COL4A5: variants seen among roughly 807,000 people sequenced by gnomAD.
COL4A5 encodes collagen alpha-5(IV) chain.
Under a neutral mutation model 130.2 loss-of-function variants are expected in COL4A5, and 26 were observed. The observed-to-expected ratio is 0.20, with a 90% CI of 0.15 to 0.28. COL4A5 has a LOEUF of 0.28. Ranked by LOEUF, COL4A5 falls within the 10% of genes least tolerant of loss-of-function variation. The pLI is 1.00. For synonymous variants in COL4A5, 496 were observed against 439.6 expected, an observed-to-expected ratio of 1.13 and a Z score of -1.60; for missense variants, 1,131 against 1,344.3, an observed-to-expected ratio of 0.84 and a Z score of 2.48.
At chrX:108,446,528 A>C (rs2064453413) in intron 1 of COL4A5, among the ~76,000 whole-genome samples, 1 of 112,343 alleles carries the variant, frequency 8.9e-6, no homozygotes, top group African/African-American at 3.2e-5. Context: ...TAAAAAGGCT[A>C]TATCAACAGA....
chrX:108,511,972 A>G (rs1025190010), intron 1 of COL4A5, among the ~76,000 whole-genome samples: 3 of 111,342 alleles, frequency 2.7e-5, no homozygotes, highest in Non-Finnish European at 5.7e-5. Context: ...TCTAAAATTG[A>G]TTGTGGTAAT....
intron 24 of COL4A5, among the ~76,000 whole-genome samples, chrX:108,598,057 G>C (rs1271670329): frequency 9.0e-6 from 1 of 110,542 alleles, no homozygotes; most frequent in Non-Finnish European, 1.9e-5. Flanking sequence ...CGGGCATGGT[G>C]GTGGGCGCCT....
intron 49 of COL4A5, chrX:108,690,112 T>C: frequency 1.8e-6 from 1 of 544,782 alleles, no homozygotes; most frequent in Non-Finnish European, 2.2e-6. Flanking sequence ...TCATGTCCAT[T>C]GTCTAATTTA....
chrX:108,597,818 TGG>T (rs2066547992), intron 24 of COL4A5, among the ~76,000 whole-genome samples: 1 of 111,431 alleles, frequency 9.0e-6, no homozygotes, highest in Non-Finnish European at 1.9e-5. Flanking sequence ...TATGAATAGG[TGG>T]GCAGGAGGTT....
At chrX:108,665,454 T>C in intron 37 of COL4A5, 53 bp from the exon 38 acceptor site, 1 of 871,579 alleles carries the variant, frequency 1.1e-6, no homozygotes, top group South Asian at 2.1e-5. Context: ...GAATTGTAGC[T>C]CTTAAAGCAA....
At chrX:108,504,888 G>T (rs1302538742) in intron 1 of COL4A5, among the ~76,000 whole-genome samples, 3 of 111,592 alleles carry the variant, frequency 2.7e-5, no homozygotes, top group African/African-American at 9.8e-5. Context: ...CCCACTACTG[G>T]GTATCTGTCT....
At position 108,681,847 on chromosome X, in the gene COL4A5, T is replaced by C. The variant is rs754420396; in HGVS notation, c.4175T>C (p.Leu1392Pro). 5.0e-6 allele frequency: 6 copies of C among 1,210,491 alleles called. No homozygotes were observed. In the East Asian group the frequency reaches 1.8e-4, roughly 36 times the overall value. ...GPPGIPGQPG[L>P]KGLPGPQGPQ... ...CCAGGAATCCCTGGCCAGCCTGGGC[T>C]AAAGGGTCTACCAGGACCCCAAGGA... The change falls in exon 47 of 53, where the codon CTA becomes CCA. Residue 1392 changes from leucine (L) to proline (P), a missense_variant. Coordinates refer to ENST00000328300, the MANE Select transcript of COL4A5 (RefSeq NM_033380.3).
intron 48 of COL4A5, among the ~76,000 whole-genome samples, chrX:108,686,524 T>TAAA (rs2068548788): frequency 8.9e-6 from 1 of 111,895 alleles, no homozygotes; most frequent in Non-Finnish European, 1.9e-5. Flanking sequence ...AATGAACAGT[T>TAAA]TAAGTGATTG....
chrX:108,569,025 C>T (rs2066018808), intron 6 of COL4A5: 2 of 406,518 alleles, frequency 4.9e-6, no homozygotes, highest in East Asian at 7.9e-5. Flanking sequence ...TGGGATATTG[C>T]ATTGGGTTAA....
At chrX:108,501,715 C>A (rs778254877) in intron 1 of COL4A5, among the ~76,000 whole-genome samples, 32 of 112,101 alleles carry the variant, frequency 2.9e-4, no homozygotes, top group Non-Finnish European at 5.1e-4. Flanking sequence ...GTGTCAATGA[C>A]CTTTCAGTTA....
chrX:108,460,656 ATTTTTTTTTTTTTTTT>A (rs751991149), intron 1 of COL4A5, among the ~76,000 whole-genome samples: 1 of 39,446 alleles, frequency 2.5e-5, no homozygotes, highest in Non-Finnish European at 4.5e-5. Context: ...CGCCTGGCAA[ATTTTTTTTTTTTTTTT>A]TTTTTTTTTT....
chrX:108,501,527 G>A (rs752415293), intron 1 of COL4A5, among the ~76,000 whole-genome samples: 2 of 111,679 alleles, frequency 1.8e-5, no homozygotes, highest in Admixed American at 9.5e-5. Context: ...CTAGGCAACC[G>A]ATTGCTGAAC....
chrX:108,620,760 T>G (rs1381520554), intron 31 of COL4A5, among the ~76,000 whole-genome samples: 1 of 111,819 alleles, frequency 8.9e-6, no homozygotes, highest in East Asian at 2.8e-4. Flanking sequence ...AGCTGGAGTG[T>G]TTGGGACTGA....
intron 40 of COL4A5, among the ~76,000 whole-genome samples, chrX:108,667,401 A>T (rs2068105160): frequency 9.0e-6 from 1 of 111,548 alleles, no homozygotes; most frequent in South Asian, 3.7e-4. Context: ...TTACATGTAG[A>T]GATCTCTTCA....
chrX:108,535,166 A>T (rs968011831), intron 1 of COL4A5, among the ~76,000 whole-genome samples: 3 of 111,084 alleles, frequency 2.7e-5, no homozygotes, highest in African/African-American at 9.8e-5. Flanking sequence ...TTTATATTTT[A>T]TTTCGATTGA....
intron 19 of COL4A5, among the ~76,000 whole-genome samples, chrX:108,588,156 T>C (rs2066367848): frequency 9.0e-6 from 1 of 111,251 alleles, no homozygotes; most frequent in South Asian, 3.8e-4. Flanking sequence ...GAATGTTCTC[T>C]GAAATAGGGT....
At chrX:108,526,669 T>TTCTC (rs769473826) in intron 1 of COL4A5, among the ~76,000 whole-genome samples, 1 of 46,452 alleles carries the variant, frequency 2.2e-5, no homozygotes, top group Non-Finnish European at 3.5e-5. Context: ...TCTTCTTTCT[T>TTCTC]TCTCTTTCTT....
chrX:108,445,896 T>A (rs1329829535), intron 1 of COL4A5, among the ~76,000 whole-genome samples: 1 of 111,543 alleles, frequency 9.0e-6, no homozygotes, highest in Non-Finnish European at 1.9e-5. Context: ...AATAATGGTG[T>A]GTGTTTTGAT....
chrX:108,502,635 T>C (rs1168213911), intron 1 of COL4A5, among the ~76,000 whole-genome samples: 2 of 111,328 alleles, frequency 1.8e-5, no homozygotes, highest in African/African-American at 6.5e-5. Context: ...ATTTAAAACA[T>C]TTTTTTTCAT....
Sources: gnomAD v4.1 joint callset for allele counts (sites outside exome capture counted in the v4.1 genomes callset) on GRCh38, gnomAD v4.1.1 for gene constraint, MANE v1.5 for transcripts, NCBI Gene and HGNC (gene_info 2026-07-23, HGNC 2026-07-21) for gene names.